The following DOCK5 variants were observed in gnomAD, a reference collection of about 807,000 sequenced individuals.
The protein encoded by DOCK5 is dedicator of cytokinesis protein 5.
Under a neutral mutation model 251.8 loss-of-function variants are expected in DOCK5, and 142 were observed. The observed-to-expected ratio is 0.56, with a 90% confidence interval of 0.49 to 0.65. The LOEUF (loss-of-function observed/expected upper bound fraction) is 0.65. Ranked by LOEUF, DOCK5 falls within the 30% of genes least tolerant of loss-of-function variation. The pLI is 0.00. For missense variants in DOCK5, 2,111 were observed against 2,312.3 expected (o/e 0.91, Z 1.79); for synonymous variants, 842 against 835.5 (o/e 1.01, Z -0.13).
intron 8 of DOCK5, chr8:25,299,302 C>G: frequency 3.7e-6 from 2 of 535,924 alleles, no homozygotes; most frequent in Non-Finnish European, 3.2e-6. Context: ...AGTTTGTATA[C>G]TCTCTGGGAT....
intron 17 of DOCK5, among the ~76,000 whole-genome samples, chr8:25,325,088 T>C (rs750838381): frequency 6.6e-6 from 1 of 152,138 alleles, no homozygotes; most frequent in Non-Finnish European, 1.5e-5. Flanking sequence ...AAAATGAAAT[T>C]TAACCTTATT....
At chr8:25,251,427 C>A (rs990469246) in intron 2 of DOCK5, among the ~76,000 whole-genome samples, 1 of 152,116 alleles carries the variant, frequency 6.6e-6, no homozygotes, top group Non-Finnish European at 1.5e-5. Context: ...GGTTTGTATA[C>A]GTACAGGAGT....
intron 38 of DOCK5, 69 bp from the exon 39 acceptor site, chr8:25,380,236 G>T (rs1218684898): frequency 8.4e-6 from 12 of 1,434,302 alleles, no homozygotes; most frequent in Non-Finnish European, 1.9e-6. Flanking sequence ...TGACTCGCCA[G>T]TGGCTTTTGC....
chr8:25,262,394 C>T (rs1803613797), intron 2 of DOCK5, among the ~76,000 whole-genome samples: 2 of 152,202 alleles, frequency 1.3e-5, no homozygotes, highest in South Asian at 2.1e-4. Flanking sequence ...AGAACCATTC[C>T]GTCAGCCCCC....
intron 42 of DOCK5, among the ~76,000 whole-genome samples, chr8:25,391,599 C>G (rs1364996748): frequency 3.3e-5 from 5 of 152,044 alleles, no homozygotes; most frequent in Non-Finnish European, 5.9e-5. Context: ...GATCGTGTCA[C>G]TGCACTCCAG....
In DOCK5 at chr8:25,401,078, C is replaced by A. The variant is rs1415709598; in HGVS notation, c.4926+12C>A. The A allele has an allele frequency of 6.2e-7, 1 of 1,613,018 alleles. No individual in the cohort carries two copies. Among genetic ancestry groups the A allele is most frequent in the Non-Finnish European group, 8.5e-7 (1 of 1,179,466 alleles). On this transcript the variant is annotated intron_variant, in intron 47 of 51. Transcript: ENST00000276440. Reference sequence around the variant, plus strand: ...GGGTTATAACACTGGTAAGCATGATCTAAGTAGCCTTCACACCTTTTTCTA... The same window carrying A: ...GGGTTATAACACTGGTAAGCATGATATAAGTAGCCTTCACACCTTTTTCTA...
rs1484844786 is a variant in DOCK5, at chr8:25,336,254, A to G, written c.2208A>G (p.Val736=). 8 of 1,613,436 alleles carry G rather than the reference A, an allele frequency of 5.0e-6. No homozygotes were observed. The highest frequency in any genetic ancestry group is 6.8e-6 in the Non-Finnish European group (8 of 1,179,558). The change falls in exon 22 of 52, where the codon GTA becomes GTG. Residue 736 remains valine, a synonymous_variant. Coordinates refer to ENST00000276440, the MANE Select transcript of DOCK5 (RefSeq NM_024940.8). ...ATLAYVKLSK[V]LNFYVANADD... ...TTCTTCTAAGGAAACTCTCCAAGGTACTGAACTTCTATGTGGCTAATGCAG... is the reference window on the plus strand; with the variant it reads ...TTCTTCTAAGGAAACTCTCCAAGGTGCTGAACTTCTATGTGGCTAATGCAG...
intron 8 of DOCK5, 159 bp downstream of exon 8, chr8:25,299,260 C>G (rs538706577): frequency 1.2e-4 from 94 of 777,238 alleles, no homozygotes; most frequent in Non-Finnish European, 1.8e-4. Context: ...GTCTATGAAG[C>G]CTTCATATGT....
chr8:25,246,083 AT>A (rs1172731571), intron 2 of DOCK5, among the ~76,000 whole-genome samples: 2 of 152,030 alleles, frequency 1.3e-5, no homozygotes, highest in Non-Finnish European at 2.9e-5. Context: ...TTTAATTCCT[AT>A]TTATTAAACC....
At chr8:25,206,578 C>T (rs1364094755) in intron 1 of DOCK5, among the ~76,000 whole-genome samples, 6 of 152,150 alleles carry the variant, frequency 3.9e-5, no homozygotes, top group Admixed American at 3.9e-4. Flanking sequence ...CAAATAGTTA[C>T]AGTACCTGCC....
chr8:25,406,617 G>A (rs1248492525), intron 48 of DOCK5, among the ~76,000 whole-genome samples: 1 of 151,762 alleles, frequency 6.6e-6, no homozygotes, highest in Non-Finnish European at 1.5e-5. Flanking sequence ...TCATGTTGCT[G>A]TGTAATTTTT....
chr8:25,369,519 G>A, intron 33 of DOCK5, 37 bp from the exon 34 acceptor site: 1 of 1,564,826 alleles, frequency 6.4e-7, no homozygotes, highest in Non-Finnish European at 8.7e-7. Flanking sequence ...TTCTAAGGAT[G>A]CAACATTATC....
At chr8:25,334,341 G>GAAAAAAAAAAA in intron 21 of DOCK5, 145 bp downstream of exon 21, 1 of 665,358 alleles carries the variant, frequency 1.5e-6, no homozygotes, top group Admixed American at 2.8e-5. Context: ...CTTCCGGGTG[G>GAAAAAAAAAAA]AAAAAGGGAA....
chr8:25,331,781 CATAT>C (rs746849662), intron 18 of DOCK5, among the ~76,000 whole-genome samples: 51 of 131,208 alleles, frequency 3.9e-4, no homozygotes, highest in Middle Eastern at 4.0e-3. Flanking sequence ...TAAATTAATG[CATAT>C]ATATATATAT....
intron 1 of DOCK5, among the ~76,000 whole-genome samples, chr8:25,235,933 G>C (rs1338432358): frequency 6.6e-6 from 1 of 151,764 alleles, no homozygotes; most frequent in Non-Finnish European, 1.5e-5. Flanking sequence ...GAGTAGCTAG[G>C]ATAACAGGTG....
chr8:25,274,899 A>G (rs1057420056), intron 3 of DOCK5, among the ~76,000 whole-genome samples: 1 of 152,126 alleles, frequency 6.6e-6, no homozygotes, highest in African/African-American at 2.4e-5. Context: ...GCTGCGTGCC[A>G]TACTTGAGTA....
chr8:25,368,320 T>G, intron 32 of DOCK5, 70 bp downstream of exon 32: 2 of 1,418,520 alleles, frequency 1.4e-6, no homozygotes, highest in South Asian at 2.6e-5. Context: ...TAAAGTCTTT[T>G]TTTTATTTTA....
chr8:25,290,608 A>G (rs1483942141), intron 5 of DOCK5, among the ~76,000 whole-genome samples: 1 of 145,070 alleles, frequency 6.9e-6, no homozygotes, highest in African/African-American at 2.5e-5. Context: ...AATATTTAAA[A>G]TTATATTTTC....
At position 25,413,475 on chromosome 8, in the gene DOCK5, G is replaced by T. The variant is rs1004210795; in HGVS notation, c.*2177G>T. On this transcript the variant is annotated 3_prime_UTR_variant, in exon 52 of 52. Transcript: ENST00000276440. Reference sequence around the variant, plus strand: ...AAGGAGGAGGCAACAGACAGGATATGTAGGGGCTTACCTAGAGCCTGGCAC... The same window carrying T: ...AAGGAGGAGGCAACAGACAGGATATTTAGGGGCTTACCTAGAGCCTGGCAC... 6.6e-6 allele frequency: 1 copy of T among 152,212 alleles called. No individual in the cohort carries two copies. Among genetic ancestry groups the T allele is most frequent in the Non-Finnish European group, 1.5e-5 (1 of 68,038 alleles). 9.4% of individuals were successfully genotyped at this position (152,212 alleles called of 1,614,324 possible).
Sources: allele counts gnomAD v4.1 joint callset (sites outside exome capture counted in the v4.1 genomes callset), GRCh38; gene constraint gnomAD v4.1.1; transcripts MANE v1.5; gene names NCBI Gene and HGNC (gene_info 2026-07-23, HGNC 2026-07-21).